Variants in GAS7 observed in about 807,000 individuals in gnomAD.
The protein encoded by GAS7 is growth arrest-specific protein 7.
Under a neutral mutation model 71.1 loss-of-function variants are expected in GAS7, and 28 were observed. The observed-to-expected ratio is 0.39, with a 90% confidence interval of 0.29 to 0.54. GAS7 has a LOEUF of 0.54. Ranked by LOEUF, GAS7 falls within the 20% of genes least tolerant of loss-of-function variation. The pLI is 0.62. For missense variants in GAS7, 436 were observed against 627.8 expected, an observed-to-expected ratio of 0.69 and a Z score of 3.27; for synonymous variants, 258 against 245.8, an observed-to-expected ratio of 1.05 and a Z score of -0.46.
chr17:9,948,682 CA>C (rs774017409), intron 5 of GAS7, among the ~76,000 whole-genome samples: 4,450 of 134,822 alleles, frequency 0.033, 116 homozygotes, highest in African/African-American at 0.088. Context: ...GACTCCCCCT[CA>C]AAAAAAAAAA....
At position 10,064,960 on chromosome 17, in the gene GAS7, A is replaced by C. The variant is rs377590069; in HGVS notation, c.184-45063T>G. Among the ~76,000 whole-genome samples the C allele has an allele frequency of 9.2e-5, 14 of 152,206 alleles. No homozygotes were observed. In the South Asian group the frequency reaches 2.9e-3, roughly 32 times the overall value. ...CTCAGCCTCTCAAGTACCTGGGACT[A>C]CAGGTGTGTGCCACCACACCTAGTG... On this transcript the variant is annotated intron_variant, in intron 1 of 13. Coordinates refer to ENST00000432992, the MANE Select transcript of GAS7 (RefSeq NM_201433.2).
chr17:10,076,903 T>C (rs1370369931), intron 1 of GAS7, among the ~76,000 whole-genome samples: 1 of 152,184 alleles, frequency 6.6e-6, no homozygotes, highest in African/African-American at 2.4e-5. Context: ...AGAATAACTC[T>C]TACATTTCAC....
intron 3 of GAS7, among the ~76,000 whole-genome samples, chr17:9,978,748 A>C (rs1005584693): frequency 6.6e-6 from 1 of 152,144 alleles, no homozygotes; most frequent in African/African-American, 2.4e-5. Flanking sequence ...TCAGGGGAAA[A>C]TGTATGTCTC....
At chr17:9,953,182 A>G (rs74328036) in intron 5 of GAS7, among the ~76,000 whole-genome samples, 5,174 of 152,126 alleles carry the variant, frequency 0.034, 287 homozygotes, top group African/African-American at 0.12. Context: ...GAATAAGATC[A>G]TGTCCTTTGC....
rs2073959709 is a variant in GAS7, at chr17:10,127,397, G to A, written c.183+70811C>T. Among the ~76,000 whole-genome samples, 4 of 152,138 alleles carry A rather than the reference G, an allele frequency of 2.6e-5. No homozygotes were observed. In the South Asian group the frequency reaches 6.2e-4, roughly 24 times the overall value. The stretch of plus-strand genomic sequence containing the variant: ...GGAAGTGAGTGTGCCAGCTGGGGAT[G>A]AGCAGGTCAGGAGGCGGGGAGTATT... On this transcript the variant is annotated intron_variant, in intron 1 of 13. Transcript: ENST00000432992.
In GAS7 at chr17:9,917,066, C is replaced by A; in HGVS notation, c.*162G>T. 1.6e-6 allele frequency: 1 copy of A among 610,332 alleles called. No individual in the cohort carries two copies. Among genetic ancestry groups the A allele is most frequent in the African/African-American group, 1.8e-5 (1 of 54,346 alleles). The allele number at this position is 610,332 out of a possible 1,614,324, so 37.8% of individuals were successfully genotyped here. A position where few individuals can be genotyped will look rare whatever the true frequency, so the allele number is the denominator to read the frequency against. ...TCTGGGCCTGGGAATATGGGGGAGC[C>A]CCCAGCTAGGCTGTCCGGGTCACCC... On this transcript the variant is annotated 3_prime_UTR_variant, in exon 14 of 14. Coordinates refer to ENST00000432992, the MANE Select transcript of GAS7 (RefSeq NM_201433.2).
At chr17:10,192,296 C>T (rs1339391373) in intron 1 of GAS7, among the ~76,000 whole-genome samples, 1 of 152,208 alleles carries the variant, frequency 6.6e-6, no homozygotes, top group East Asian at 1.9e-4. Flanking sequence ...GGAATCCCTC[C>T]TGACATTTTG....
At chr17:9,975,083 G>A (rs144529585) in intron 3 of GAS7, among the ~76,000 whole-genome samples, 5 of 152,322 alleles carry the variant, frequency 3.3e-5, no homozygotes, top group South Asian at 2.1e-4. Context: ...GACTGGGAGC[G>A]GTGGCTCACG....
intron 3 of GAS7, among the ~76,000 whole-genome samples, chr17:9,979,077 A>C (rs1290315948): frequency 6.6e-6 from 1 of 152,244 alleles, no homozygotes; most frequent in Non-Finnish European, 1.5e-5. Flanking sequence ...AAAACCACCC[A>C]AAAGAGGGAG....
chr17:10,028,560 T>C (rs544986037), intron 1 of GAS7, among the ~76,000 whole-genome samples: 17 of 152,084 alleles, frequency 1.1e-4, no homozygotes, highest in Non-Finnish European at 2.2e-4. Flanking sequence ...GGATCTCACA[T>C]AGTATCCAGA....
At chr17:9,929,847 T>C (rs1028674222) in intron 9 of GAS7, among the ~76,000 whole-genome samples, 1 of 152,196 alleles carries the variant, frequency 6.6e-6, no homozygotes, top group African/African-American at 2.4e-5. Flanking sequence ...TTAGTACCCA[T>C]TCTTAACTTT....
chr17:9,922,396 G>A (rs560147432), intron 11 of GAS7, among the ~76,000 whole-genome samples: 5 of 152,336 alleles, frequency 3.3e-5, no homozygotes, highest in African/African-American at 9.6e-5. Context: ...TTGTGGCTTC[G>A]CCGCTCCACC....
chr17:10,020,171 C>A, intron 1 of GAS7: 1 of 321,808 alleles, frequency 3.1e-6, no homozygotes, highest in Non-Finnish European at 5.8e-6. Context: ...TGGAGCTAGA[C>A]TTTCTCCACG....
At chr17:10,184,606 CGGGA>C (rs1001463401) in intron 1 of GAS7, among the ~76,000 whole-genome samples, 7 of 152,160 alleles carry the variant, frequency 4.6e-5, no homozygotes, top group African/African-American at 1.7e-4. Context: ...TGGGAGCTGG[CGGGA>C]AATGCAGAAT....
chr17:9,931,152 C>A (rs2068193482), intron 9 of GAS7, among the ~76,000 whole-genome samples: 1 of 152,236 alleles, frequency 6.6e-6, no homozygotes, highest in Admixed American at 6.5e-5. Flanking sequence ...CCCATTCGCT[C>A]AGTCCTTTCC....
intron 7 of GAS7, among the ~76,000 whole-genome samples, chr17:9,941,883 A>G (rs2068615403): frequency 6.6e-6 from 1 of 152,190 alleles, no homozygotes; most frequent in African/African-American, 2.4e-5. Context: ...TCATATGAAA[A>G]TAGGCCCTCT....
At chr17:9,997,565 C>T (rs1300182930) in intron 2 of GAS7, among the ~76,000 whole-genome samples, 2 of 152,134 alleles carry the variant, frequency 1.3e-5, no homozygotes, top group African/African-American at 4.8e-5. Flanking sequence ...AAGTCTCCAG[C>T]GGACACAAGC....
chr17:9,966,720 G>A lies in GAS7; in HGVS notation c.471+2957C>T, dbSNP rs1475449463. ...GACAAAAAGTAGTAGCTAGCTGGGC[G>A]TGGTGGCCGGCGCCTGCAGTCCCAG... is the stretch of plus-strand genomic sequence containing the variant. On this transcript the variant is annotated intron_variant, in intron 4 of 13. Transcript: ENST00000432992. Among the ~76,000 whole-genome samples the A allele has an allele frequency of 7.9e-5, 12 of 152,236 alleles. No homozygotes were observed. In the South Asian group the frequency reaches 1.7e-3, roughly 21 times the overall value.
At chr17:10,169,031 C>T (rs961450713) in intron 1 of GAS7, among the ~76,000 whole-genome samples, 1 of 150,798 alleles carries the variant, frequency 6.6e-6, no homozygotes, top group Non-Finnish European at 1.5e-5. Flanking sequence ...TAATCCAGCA[C>T]TTTGGGAGGC....
Sources: gnomAD v4.1 joint callset for allele counts (sites outside exome capture counted in the v4.1 genomes callset) on GRCh38, gnomAD v4.1.1 for gene constraint, MANE v1.5 for transcripts, NCBI Gene and HGNC (gene_info 2026-07-23, HGNC 2026-07-21) for gene names.